The following BCAS4 variants were observed in gnomAD, a reference collection of about 807,000 sequenced individuals.
BCAS4 encodes the protein breast carcinoma-amplified sequence 4.
A neutral mutation model predicts 15.7 loss-of-function variants in BCAS4; 9 were observed. The ratio of observed to expected loss-of-function variants is 0.57; its 90% CI spans 0.34 to 1.00. BCAS4 has a LOEUF of 1.00. Ranked by LOEUF, BCAS4 falls within the 50% of genes least tolerant of loss-of-function variation. BCAS4 has a pLI of 0.02. For missense variants in BCAS4, 225 were observed against 239.1 expected (o/e 0.94, Z 0.39); for synonymous variants, 101 against 99.5 (o/e 1.02, Z -0.09).
intron 4 of BCAS4, among the ~76,000 whole-genome samples, chr20:50,871,089 A>G (rs1979616789): frequency 6.6e-6 from 1 of 152,080 alleles, no homozygotes; most frequent in South Asian, 2.1e-4. Flanking sequence ...GGACGTGGAG[A>G]GCTCTGAAGT....
chr20:50,796,987 T>C (rs1182558572), intron 1 of BCAS4, among the ~76,000 whole-genome samples: 1 of 152,010 alleles, frequency 6.6e-6, no homozygotes, highest in African/African-American at 2.4e-5. Context: ...CGCACCACCA[T>C]GTCAGGTTAA....
At chr20:50,829,944 G>A (rs889029050) in intron 2 of BCAS4, among the ~76,000 whole-genome samples, 8 of 152,160 alleles carry the variant, frequency 5.3e-5, no homozygotes, top group African/African-American at 1.9e-4. Flanking sequence ...TTTGACTTTG[G>A]TTTAGAGAAG....
intron 2 of BCAS4, among the ~76,000 whole-genome samples, chr20:50,826,796 C>A (rs1477446928): frequency 5.3e-5 from 8 of 152,076 alleles, no homozygotes; most frequent in Non-Finnish European, 8.8e-5. Context: ...CAGTGAAACC[C>A]TGTCTCTACA....
At position 50,851,815 on chromosome 20, in the gene BCAS4, T is replaced by G. The variant is rs1417202075; in HGVS notation, c.399+9915T>G. Among the ~76,000 whole-genome samples, 1 of 152,186 alleles carries G rather than the reference T, an allele frequency of 6.6e-6. No individual in the cohort carries two copies. Among genetic ancestry groups the G allele is most frequent in the East Asian group, 1.9e-4 (1 of 5,194 alleles). On this transcript the variant is annotated intron_variant, in intron 4 of 4. Transcript: ENST00000371608. This position sits in a 1 kb window ranked among gnomAD's most constrained non-coding sequence, Gnocchi z 4.3. ...ATTGTTCAAAGCCCCAGTCACACGG[T>G]CCCACCCCTGGGAAGCCGCCTGGGT...
chr20:50,882,464 G>T, the BCAS4 span: 1 of 152,196 alleles, frequency 6.6e-6, no homozygotes, highest in Non-Finnish European at 1.5e-5. Flanking sequence ...AAAGCCAAAT[G>T]CAGAAAAATA....
At chr20:50,867,564 C>T (rs1979420950) in intron 4 of BCAS4, among the ~76,000 whole-genome samples, 1 of 152,062 alleles carries the variant, frequency 6.6e-6, no homozygotes, top group African/African-American at 2.4e-5. Flanking sequence ...CCCTGTGTTG[C>T]CCAGGCTGGT....
rs970791644 is a variant in BCAS4 at position 50,840,800 on chromosome 20, T to G, written c.265-966T>G. The G allele has an allele frequency of 2.4e-5, 30 of 1,263,610 alleles. No individual in the cohort carries two copies. The South Asian group carries it at 3.1e-4, about 13-fold the overall frequency. 78.3% of individuals were successfully genotyped at this position (1,263,610 alleles called of 1,614,324 possible). On this transcript the variant is annotated intron_variant, in intron 3 of 4. Transcript: ENST00000371608. ...GCACGCGAGAACGAGCGAAGTCTGG[T>G]CTGCGTAGTGGCCACCACTGAGTTG... is the stretch of plus-strand genomic sequence containing the variant.
chr20:50,875,443 G>A (rs1979874269), intron 4 of BCAS4, among the ~76,000 whole-genome samples: 1 of 152,088 alleles, frequency 6.6e-6, no homozygotes, highest in South Asian at 2.1e-4. Context: ...GGAACTCCAG[G>A]CAGCACAGAT....
intron 4 of BCAS4, among the ~76,000 whole-genome samples, chr20:50,849,388 C>G (rs866854957): frequency 2.0e-5 from 3 of 152,192 alleles, no homozygotes; most frequent in Non-Finnish European, 4.4e-5. Flanking sequence ...CCCCTACCCC[C>G]ACCAGGGCAG....
chr20:50,871,271 C>G (rs1328763768), intron 4 of BCAS4, among the ~76,000 whole-genome samples: 2 of 152,228 alleles, frequency 1.3e-5, no homozygotes, highest in African/African-American at 4.8e-5. Flanking sequence ...GCGACTCCTC[C>G]CTTGCAGGCT....
At position 50,855,848 on chromosome 20, in the gene BCAS4, C is replaced by T. The variant is rs754957268; in HGVS notation, c.399+13948C>T. Among the ~76,000 whole-genome samples, 4 of 152,236 alleles carry T rather than the reference C, an allele frequency of 2.6e-5. No homozygotes were observed. The East Asian group carries it at 5.8e-4, about 22-fold the overall frequency. On this transcript the variant is annotated intron_variant, in intron 4 of 4. Coordinates refer to ENST00000371608, the MANE Select transcript of BCAS4 (RefSeq NM_198799.4). ...TGAATAAATGGAGGACCTGGGTCCC[C>T]GCCTGGGCTTAGGGTCTCTCTGGAG...
At chr20:50,859,834 C>T (rs551847997) in intron 4 of BCAS4, among the ~76,000 whole-genome samples, 3 of 152,228 alleles carry the variant, frequency 2.0e-5, no homozygotes, top group South Asian at 2.1e-4. Flanking sequence ...GATTCACATT[C>T]GGTTACAAGA....
upstream of BCAS4, chr20:50,794,953 G>A (rs1053431749): frequency 2.5e-6 from 3 of 1,195,514 alleles, no homozygotes; most frequent in Non-Finnish European, 3.1e-6. Flanking sequence ...GCGACCGCCG[G>A]GAGCGCACCT....
chr20:50,805,099 T>C (rs2087974235), intron 1 of BCAS4, among the ~76,000 whole-genome samples: 1 of 152,208 alleles, frequency 6.6e-6, no homozygotes, highest in Admixed American at 6.6e-5. Flanking sequence ...ATTATTGAGA[T>C]GTGATTTGCA....
chr20:50,864,072 G>A (rs773183475), intron 4 of BCAS4, among the ~76,000 whole-genome samples: 2 of 152,142 alleles, frequency 1.3e-5, no homozygotes, highest in South Asian at 2.1e-4. Flanking sequence ...CGCCTTCCTC[G>A]AGTCATCCTT....
chr20:50,815,383 T>C (rs1254002033), intron 1 of BCAS4, among the ~76,000 whole-genome samples: 6 of 152,202 alleles, frequency 3.9e-5, no homozygotes, highest in Non-Finnish European at 8.8e-5. Context: ...TGTGTGCACC[T>C]GCACTCCCAG....
At chr20:50,856,862 C>T (rs1038897133) in intron 4 of BCAS4, among the ~76,000 whole-genome samples, 1 of 152,194 alleles carries the variant, frequency 6.6e-6, no homozygotes, top group Non-Finnish European at 1.5e-5. Flanking sequence ...TGATGAGTCA[C>T]ATCACTTAGT....
At chr20:50,879,929 C>G (rs1980085270), downstream of BCAS4, 1 of 152,606 alleles carries the variant, frequency 6.6e-6, no homozygotes, top group South Asian at 2.1e-4. Context: ...GCTGGGCACA[C>G]TGGCGAGGGG....
At chr20:50,875,987 T>C (rs1321657331) in intron 4 of BCAS4, 1 of 456,270 alleles carries the variant, frequency 2.2e-6, no homozygotes, top group Non-Finnish European at 4.4e-6. Flanking sequence ...TGTCTCACTC[T>C]GTTTTCTAGG....
Sources: gnomAD v4.1 joint callset for allele counts (sites outside exome capture counted in the v4.1 genomes callset) on GRCh38, gnomAD v4.1.1 for gene constraint, Gnocchi (gnomAD v3.1) non-coding constraint, MANE v1.5 for transcripts, NCBI Gene and HGNC (gene_info 2026-07-23, HGNC 2026-07-21) for gene names.